The following PHACTR3 variants were observed in gnomAD, a reference collection of about 807,000 sequenced individuals.
PHACTR3 encodes protein phosphatase 1, regulatory subunit 123.
Under a neutral mutation model 66.8 loss-of-function variants are expected in PHACTR3, and 16 were observed. The observed-to-expected ratio is 0.24, with a 90% CI of 0.16 to 0.36. PHACTR3 has a LOEUF of 0.36. Ranked by LOEUF, PHACTR3 falls within the 10% of genes least tolerant of loss-of-function variation. The pLI, the probability that PHACTR3 is intolerant of heterozygous loss-of-function variation, is 1.00. For synonymous variants in PHACTR3, 323 were observed against 292.1 expected (o/e 1.11, Z -1.08); for missense variants, 647 against 719.9 (o/e 0.90, Z 1.16).
At chr20:59,663,800 T>G (rs1257769724) in intron 1 of PHACTR3, among the ~76,000 whole-genome samples, 1 of 152,226 alleles carries the variant, frequency 6.6e-6, no homozygotes, top group Non-Finnish European at 1.5e-5. Flanking sequence ...GCAACGGAGA[T>G]GAAAACACTT....
intron 1 of PHACTR3, among the ~76,000 whole-genome samples, chr20:59,663,792 A>G (rs901214138): frequency 2.0e-5 from 3 of 152,200 alleles, no homozygotes; most frequent in African/African-American, 7.2e-5. Context: ...TTCCTTGTGC[A>G]ACGGAGATGA....
intron 12 of PHACTR3, among the ~76,000 whole-genome samples, chr20:59,845,742 TTGAG>T (rs1346552466): frequency 6.6e-6 from 1 of 152,158 alleles, no homozygotes; most frequent in African/African-American, 2.4e-5. Flanking sequence ...CAGTAAATAT[TTGAG>T]TAAGTGCTGA....
intron 1 of PHACTR3, among the ~76,000 whole-genome samples, chr20:59,697,592 A>G (rs1053583761): frequency 6.6e-5 from 10 of 152,264 alleles, no homozygotes; most frequent in Non-Finnish European, 1.2e-4. Flanking sequence ...TTTGTTACCC[A>G]TGAGACCAAG....
intron 1 of PHACTR3, among the ~76,000 whole-genome samples, chr20:59,585,345 C>T (rs1158855337): frequency 1.3e-5 from 2 of 152,196 alleles, no homozygotes; most frequent in African/African-American, 4.8e-5. Flanking sequence ...AATGTGACTG[C>T]ACTGGGAGGG....
chr20:59,752,239 CTG>C (rs2146807875), intron 3 of PHACTR3, among the ~76,000 whole-genome samples: 1 of 152,358 alleles, frequency 6.6e-6, no homozygotes, highest in East Asian at 1.9e-4. Flanking sequence ...TGTGCTTGCA[CTG>C]TGCACATGTG....
At chr20:59,821,661 A>G (rs1382935761) in intron 8 of PHACTR3, among the ~76,000 whole-genome samples, 1 of 152,208 alleles carries the variant, frequency 6.6e-6, no homozygotes, top group African/African-American at 2.4e-5. Flanking sequence ...ATTTTGTTAC[A>G]TTAAAGGAAG....
chr20:59,809,400 T>C (rs1426964744), intron 8 of PHACTR3, among the ~76,000 whole-genome samples: 2 of 152,204 alleles, frequency 1.3e-5, no homozygotes, highest in Admixed American at 1.3e-4. Flanking sequence ...ATGGGACGTG[T>C]GTTCCTAAGG....
chr20:59,739,221 G>T (rs980025225), intron 1 of PHACTR3, among the ~76,000 whole-genome samples: 2 of 152,138 alleles, frequency 1.3e-5, no homozygotes, highest in Admixed American at 1.3e-4. Context: ...CATTGCTGTA[G>T]CTCCCTTAAT....
At chr20:59,789,516 G>A (rs572416330) in intron 7 of PHACTR3, among the ~76,000 whole-genome samples, 1 of 152,272 alleles carries the variant, frequency 6.6e-6, no homozygotes, top group African/African-American at 2.4e-5. Context: ...TTAGGAGTAA[G>A]GGGCATACCT....
At chr20:59,696,933 G>A (rs2037319904) in intron 1 of PHACTR3, among the ~76,000 whole-genome samples, 1 of 152,238 alleles carries the variant, frequency 6.6e-6, no homozygotes, top group Non-Finnish European at 1.5e-5. Context: ...CTGGGGGATG[G>A]AGACTGAATC....
intron 7 of PHACTR3, among the ~76,000 whole-genome samples, chr20:59,794,191 A>G (rs780638785): frequency 1.3e-5 from 2 of 151,712 alleles, no homozygotes; most frequent in Non-Finnish European, 2.9e-5. Context: ...AAGACTTTCA[A>G]TTTTCCTCCT....
intron 1 of PHACTR3, among the ~76,000 whole-genome samples, chr20:59,681,063 T>G (rs79516838): frequency 0.028 from 4,275 of 152,358 alleles, 79 homozygotes; most frequent in Middle Eastern, 0.065. Flanking sequence ...TCAGGCTGCC[T>G]CCTTGTTTTT....
intron 1 of PHACTR3, among the ~76,000 whole-genome samples, chr20:59,639,751 T>A (rs1337058706): frequency 1.3e-5 from 2 of 152,216 alleles, no homozygotes; most frequent in Non-Finnish European, 1.5e-5. Context: ...TGCACATGAA[T>A]GGAAGGCAGT....
chr20:59,768,491 T>G (rs2040256547), intron 5 of PHACTR3, among the ~76,000 whole-genome samples: 3 of 152,374 alleles, frequency 2.0e-5, no homozygotes, highest in Admixed American at 2.0e-4. Flanking sequence ...TTGAGACTTT[T>G]GAACCCAGTT....
Position 59,604,979 on chromosome 20 carries a change from G to A in PHACTR3, c.-36G>A. ...CGCCTCGGATGCTCTGATTCCACGC[G>A]GCTCGCTCTAACTTGCCCCCGCGCC... On this transcript the variant is annotated 5_prime_UTR_variant, in exon 1 of 13. Transcript: ENST00000371015. 2 of 1,266,242 alleles carry A rather than the reference G, an allele frequency of 1.6e-6. No homozygotes were observed. The highest frequency in any genetic ancestry group is 3.2e-5 in the East Asian group (1 of 31,190). The allele number at this position is 1,266,242 out of a possible 1,614,324, so 78.4% of individuals were successfully genotyped here. A position where few individuals can be genotyped will look rare whatever the true frequency, so the allele number is the denominator to read the frequency against.
At chr20:59,789,481 C>CCG (rs1555842736) in intron 7 of PHACTR3, among the ~76,000 whole-genome samples, 10 of 152,280 alleles carry the variant, frequency 6.6e-5, no homozygotes, top group African/African-American at 2.2e-4. Context: ...ATGCAACAGA[C>CCG]TTGAAATCCC....
intron 1 of PHACTR3, among the ~76,000 whole-genome samples, chr20:59,670,046 G>C (rs2036138107): frequency 1.3e-5 from 2 of 152,234 alleles, no homozygotes; most frequent in African/African-American, 4.8e-5. Flanking sequence ...TGCTGTGCAA[G>C]GCATTTTGAT....
chr20:59,679,306 A>C (rs2036563577), intron 1 of PHACTR3, among the ~76,000 whole-genome samples: 3 of 152,240 alleles, frequency 2.0e-5, no homozygotes, highest in African/African-American at 7.2e-5. Context: ...CAGACAACTT[A>C]CTTTGAGATG....
intron 1 of PHACTR3, among the ~76,000 whole-genome samples, chr20:59,670,518 T>C (rs544166716): frequency 9.1e-4 from 136 of 149,998 alleles, no homozygotes; most frequent in African/African-American, 3.2e-3. Context: ...TCCACCAACC[T>C]GCATTCTCAA....
Sources: allele counts gnomAD v4.1 joint callset (sites outside exome capture counted in the v4.1 genomes callset), GRCh38; gene constraint gnomAD v4.1.1; transcripts MANE v1.5; gene names NCBI Gene and HGNC (gene_info 2026-07-23, HGNC 2026-07-21).